Variants in LTBP1 observed in about 807,000 individuals in gnomAD.
LTBP1 encodes latent transforming growth factor beta binding protein 1.
Under a neutral mutation model 207.6 loss-of-function variants are expected in LTBP1, and 129 were observed. That is an observed-to-expected ratio of 0.62 (90% CI 0.54 to 0.72). The LOEUF (loss-of-function observed/expected upper bound fraction) is 0.72, where lower values mean the gene tolerates loss of function less well. LTBP1 is among the 30% of genes least tolerant of loss of function. The probability of loss-of-function intolerance (pLI) is 0.00; values close to 1 mark genes in which losing one functional copy is unlikely to be tolerated. For synonymous variants in LTBP1, 963 were observed against 833.7 expected (o/e 1.16, Z -2.67); for missense variants, 2,281 against 2,217.2 (o/e 1.03, Z -0.58).
intron 9 of LTBP1, among the ~76,000 whole-genome samples, chr2:33,238,805 A>G (rs1205911532): frequency 6.6e-6 from 1 of 152,232 alleles, no homozygotes; most frequent in Non-Finnish European, 1.5e-5. Context: ...CCAGTGAGAT[A>G]CGGTGTGCTA....
chr2:33,073,758 C>T (rs2077928990), intron 3 of LTBP1, among the ~76,000 whole-genome samples: 1 of 152,084 alleles, frequency 6.6e-6, no homozygotes, highest in South Asian at 2.1e-4. Context: ...TCCTGAGTAG[C>T]TGGGATTACA....
At chr2:33,119,261 C>T (rs1252899441) in intron 4 of LTBP1, among the ~76,000 whole-genome samples, 1 of 151,958 alleles carries the variant, frequency 6.6e-6, no homozygotes, top group Non-Finnish European at 1.5e-5. Flanking sequence ...GATGGTGCCT[C>T]CTCAGCCTTA....
intron 2 of LTBP1, 67 bp downstream of exon 2, chr2:32,949,012 C>A: frequency 1.3e-6 from 2 of 1,498,306 alleles, no homozygotes; most frequent in Non-Finnish European, 1.9e-6. Flanking sequence ...CACATGGGGG[C>A]ATCTCACAAG....
intron 2 of LTBP1, among the ~76,000 whole-genome samples, chr2:32,954,204 A>C (rs1385886741): frequency 6.6e-6 from 1 of 152,146 alleles, no homozygotes; most frequent in Non-Finnish European, 1.5e-5. Context: ...AACTGTCCTG[A>C]CAGTCCTCAG....
At chr2:33,154,336 C>T (rs2083777906) in intron 5 of LTBP1, among the ~76,000 whole-genome samples, 1 of 152,102 alleles carries the variant, frequency 6.6e-6, no homozygotes, top group Non-Finnish European at 1.5e-5. Context: ...AGTTTTCTTC[C>T]CATTTTTGTA....
At chr2:33,114,465 C>CTA (rs1251671747) in intron 4 of LTBP1, among the ~76,000 whole-genome samples, 1 of 152,174 alleles carries the variant, frequency 6.6e-6, no homozygotes, top group African/African-American at 2.4e-5. Flanking sequence ...CTGAAAACAT[C>CTA]TAGATATCGG....
At chr2:33,039,085 C>T (rs531949037) in intron 3 of LTBP1, among the ~76,000 whole-genome samples, 2 of 152,320 alleles carry the variant, frequency 1.3e-5, no homozygotes, top group South Asian at 4.1e-4. Context: ...CTCTAGCTCT[C>T]ACAAACATGT....
chr2:32,970,390 G>C (rs1046285895), intron 2 of LTBP1, among the ~76,000 whole-genome samples: 7 of 152,074 alleles, frequency 4.6e-5, no homozygotes, highest in African/African-American at 1.7e-4. Flanking sequence ...ATAGTTTTAG[G>C]TTTTATGTTT....
intron 8 of LTBP1, among the ~76,000 whole-genome samples, chr2:33,220,854 A>G (rs1459174532): frequency 2.0e-5 from 3 of 152,168 alleles, no homozygotes; most frequent in Admixed American, 2.0e-4. Context: ...CTTCTCTTTT[A>G]GGCATTCGGG....
At chr2:33,016,433 G>A (rs150577913) in intron 2 of LTBP1, among the ~76,000 whole-genome samples, 124 of 152,288 alleles carry the variant, frequency 8.1e-4, no homozygotes, top group African/African-American at 2.7e-3. Context: ...CTACTTTTCA[G>A]ACTTGGCTGT....
chr2:33,288,865 A>G (rs1486596933), intron 19 of LTBP1, among the ~76,000 whole-genome samples: 3 of 151,968 alleles, frequency 2.0e-5, no homozygotes, highest in East Asian at 1.9e-4. Context: ...AAAAAAAAAA[A>G]AAAAAGAAAA....
chr2:33,134,132 G>A lies in LTBP1; in HGVS notation c.1034-661G>A, dbSNP rs765757708. On this transcript the variant is annotated intron_variant, in intron 4 of 33. Transcript: ENST00000404816. This position sits in a 1 kb window ranked among gnomAD's most constrained non-coding sequence, Gnocchi z 4.4. ...GCTTACCCCTTTAAAGATGGGCCCC[G>A]TTCACAGGAAAACAAAATATATGTT... Among the ~76,000 whole-genome samples the A allele has an allele frequency of 1.3e-5, 2 of 152,136 alleles. No individual in the cohort carries two copies. Among genetic ancestry groups the A allele is most frequent in the African/African-American group, 4.8e-5 (2 of 41,424 alleles).
In LTBP1 at chr2:33,020,956, CA is replaced by C. The variant is rs1250176933; in HGVS notation, c.615del (p.Gln205HisfsTer17). 6.2e-7 allele frequency: 1 copy of C among 1,607,126 alleles called. No individual in the cohort carries two copies. The highest frequency in any genetic ancestry group is 1.3e-5 in the African/African-American group (1 of 74,968). On this transcript the variant is annotated frameshift_variant, in exon 3 of 34. Transcript: ENST00000404816. LOFTEE classifies it high-confidence loss of function. Reference sequence around the variant, plus strand: ...GAATGGAGGGATGTGTCTCCGGCCACAACTCTGTGTGTGTAAACCAGGGACC... The same window carrying C: ...GAATGGAGGGATGTGTCTCCGGCCACACTCTGTGTGTGTAAACCAGGGACC... The part of the protein sequence containing the change: ...CQNGGMCLRP[Q>X]LCVCKPGTKG...
At chr2:33,242,811 C>T (rs1573385882) in intron 9 of LTBP1, among the ~76,000 whole-genome samples, 2 of 152,098 alleles carry the variant, frequency 1.3e-5, no homozygotes, top group South Asian at 2.1e-4. Context: ...TTAATCTCTT[C>T]TCAACAAGCC....
chr2:33,171,494 A>G (rs1277200128), intron 5 of LTBP1, among the ~76,000 whole-genome samples: 1 of 151,446 alleles, frequency 6.6e-6, no homozygotes, highest in African/African-American at 2.4e-5. Context: ...CCTCCAAGAA[A>G]TATGGGACTA....
intron 22 of LTBP1, among the ~76,000 whole-genome samples, chr2:33,304,601 C>A (rs964037808): frequency 2.6e-5 from 4 of 152,180 alleles, no homozygotes; most frequent in African/African-American, 9.7e-5. Flanking sequence ...CTCAATTGTC[C>A]TCATTCTTAG....
Position 33,021,085 on chromosome 2 carries a change from G to A in LTBP1, c.742G>A (p.Ala248Thr). Reference protein sequence around the residue: ...AASSWGPPEQAAKHTSSKKAD... With the variant: ...AASSWGPPEQTAKHTSSKKAD... ...TTCCTCGTGGGGCCCTCCTGAGCAA[G>A]CAGCAAAGCATACTTCATCTAAGAA... Residue 248 changes from alanine (A) to threonine (T), a missense_variant, in exon 3 of 34, where the codon GCA becomes ACA. Physicochemically the swap from Ala to Thr is moderately conservative, Grantham distance 58. This residue lies in a region of LTBP1 where 555 missense variants were observed against 491.0 expected (regional missense o/e 1.13). Coordinates refer to ENST00000404816, the MANE Select transcript of LTBP1 (RefSeq NM_206943.4). 4 of 1,614,100 alleles carry A rather than the reference G, an allele frequency of 2.5e-6. No homozygotes were observed. In the South Asian group the frequency reaches 4.4e-5, roughly 18 times the overall value.
chr2:33,034,675 T>C (rs1031390934), intron 3 of LTBP1, among the ~76,000 whole-genome samples: 1 of 150,706 alleles, frequency 6.6e-6, no homozygotes, highest in African/African-American at 2.5e-5. Flanking sequence ...TATAACCATT[T>C]GGAAGTTGGG....
At chr2:33,240,689 C>T (rs111296019) in intron 9 of LTBP1, among the ~76,000 whole-genome samples, 6 of 124,800 alleles carry the variant, frequency 4.8e-5, no homozygotes, top group South Asian at 2.5e-4. Context: ...CTTGCTCTGT[C>T]GCCCAGGCTG....
Sources: gnomAD v4.1 joint callset for allele counts (sites outside exome capture counted in the v4.1 genomes callset) on GRCh38, gnomAD v4.1.1 for gene constraint, gnomAD v4.1.1 regional missense constraint, Gnocchi (gnomAD v3.1) non-coding constraint, MANE v1.5 for transcripts, NCBI Gene and HGNC (gene_info 2026-07-23, HGNC 2026-07-21) for gene names.